The following NVL variants were observed in gnomAD, a reference collection of about 807,000 sequenced individuals.
The protein encoded by NVL is nuclear valosin-containing protein-like.
A neutral mutation model predicts 110.2 loss-of-function variants in NVL; 84 were observed. The observed-to-expected ratio is 0.76, with a 90% CI of 0.64 to 0.91. The LOEUF (loss-of-function observed/expected upper bound fraction) is 0.91, where lower values mean the gene tolerates loss of function less well. Among genes scored for constraint, NVL ranks in the 40% least tolerant of loss-of-function variants. NVL has a pLI of 0.00. For missense variants in NVL, 882 were observed against 1,035.9 expected (o/e 0.85, Z 2.04); for synonymous variants, 354 against 361.1 (o/e 0.98, Z 0.22).
At chr1:224,296,196 C>A (rs1176485897) in intron 11 of NVL, among the ~76,000 whole-genome samples, 38 of 151,992 alleles carry the variant, frequency 2.5e-4, no homozygotes. Context: ...ATGCAAGGAA[C>A]ATAAAATATA....
intron 15 of NVL, among the ~76,000 whole-genome samples, chr1:224,285,250 C>T (rs1666749312): frequency 6.6e-6 from 1 of 152,102 alleles, no homozygotes; most frequent in Non-Finnish European, 1.5e-5. Flanking sequence ...GCCTAACCAA[C>T]ATGGTGAAAC....
intron 21 of NVL, among the ~76,000 whole-genome samples, chr1:224,232,363 T>TAAATAA (rs964589478): frequency 1.3e-5 from 2 of 151,316 alleles, no homozygotes; most frequent in African/African-American, 4.9e-5. Context: ...AAAAAATAAA[T>TAAATAA]AAATAAAAAT....
intron 4 of NVL, among the ~76,000 whole-genome samples, chr1:224,314,593 G>C (rs1359007887): frequency 6.6e-6 from 1 of 152,090 alleles, no homozygotes; most frequent in Non-Finnish European, 1.5e-5. Flanking sequence ...AGAAGACTCG[G>C]GGGGAAGTTG....
intron 2 of NVL, among the ~76,000 whole-genome samples, chr1:224,321,111 G>A (rs1558363507): frequency 2.0e-5 from 3 of 152,048 alleles, no homozygotes; most frequent in Admixed American, 1.3e-4. Flanking sequence ...AATCAGCGGG[G>A]CATGGTGGCA....
chr1:224,268,066 T>A lies in NVL; in HGVS notation c.2150A>T (p.Gln717Leu), dbSNP rs1310576684. The change falls in exon 18 of 23, where the codon CAG becomes CTG. Residue 717 changes from glutamine to leucine, a missense_variant. By Grantham distance (113) the Gln-to-Leu change is moderately radical. This residue lies in a region of NVL where 66 missense variants were observed against 127.5 expected (regional missense o/e 0.52). Transcript: ENST00000281701. ...TEMDGLEARQQVFIMAATNRP... is the reference protein window; with the variant it reads ...TEMDGLEARQLVFIMAATNRP... Reference sequence around the variant, plus strand: ...GTTAGTGGCTGCCATAATAAAAACCTGCTGGCGTGCTTCCAGACCATCCAT... The same window carrying A: ...GTTAGTGGCTGCCATAATAAAAACCAGCTGGCGTGCTTCCAGACCATCCAT... 1 of 1,614,106 alleles carries A rather than the reference T, an allele frequency of 6.2e-7. No homozygotes were observed. The highest frequency in any genetic ancestry group is 2.2e-5 in the East Asian group (1 of 44,884).
intron 19 of NVL, among the ~76,000 whole-genome samples, chr1:224,248,450 A>C (rs1216557663): frequency 6.6e-6 from 1 of 152,180 alleles, no homozygotes; most frequent in Non-Finnish European, 1.5e-5. Context: ...TACAAAGATG[A>C]TCATTCTTCT....
At chr1:224,302,552 C>G (rs1668523782) in intron 9 of NVL, among the ~76,000 whole-genome samples, 1 of 152,072 alleles carries the variant, frequency 6.6e-6, no homozygotes, top group Non-Finnish European at 1.5e-5. Context: ...ATTACTGTCC[C>G]CTACAGTTTC....
intron 17 of NVL, among the ~76,000 whole-genome samples, chr1:224,273,117 A>G (rs1361221609): frequency 6.6e-6 from 1 of 151,846 alleles, no homozygotes; most frequent in African/African-American, 2.4e-5. Context: ...AGAGTATAGA[A>G]ATGTATGGCA....
At chr1:224,290,326 T>C (rs183127735) in intron 12 of NVL, among the ~76,000 whole-genome samples, 6 of 152,324 alleles carry the variant, frequency 3.9e-5, no homozygotes, top group Non-Finnish European at 4.4e-5. Flanking sequence ...CAATTTCTGA[T>C]AAGACCTACT....
At chr1:224,273,268 C>G (rs955019970) in intron 17 of NVL, among the ~76,000 whole-genome samples, 4 of 151,792 alleles carry the variant, frequency 2.6e-5, no homozygotes, top group Non-Finnish European at 5.9e-5. Context: ...CAAATATTAG[C>G]TGGGCATGGT....
intron 17 of NVL, among the ~76,000 whole-genome samples, chr1:224,272,505 G>A (rs1665231057): frequency 6.6e-6 from 1 of 151,392 alleles, no homozygotes; most frequent in South Asian, 2.1e-4. Context: ...ATCACCTGAG[G>A]TCAGGAGTTC....
intron 2 of NVL, among the ~76,000 whole-genome samples, chr1:224,324,824 CAT>C (rs1670983306): frequency 6.6e-6 from 1 of 152,190 alleles, no homozygotes; most frequent in Non-Finnish European, 1.5e-5. Flanking sequence ...TGTATCTGCA[CAT>C]GAGAAGGCCA....
At chr1:224,325,013 C>A (rs1015245845) in intron 2 of NVL, among the ~76,000 whole-genome samples, 1 of 152,170 alleles carries the variant, frequency 6.6e-6, no homozygotes, top group African/African-American at 2.4e-5. Flanking sequence ...ATAACCCCAG[C>A]ACTTTGGGAG....
chr1:224,288,086 A>G, intron 13 of NVL, 93 bp from the exon 14 acceptor site: 1 of 884,478 alleles, frequency 1.1e-6, no homozygotes, highest in Non-Finnish European at 1.8e-6. Context: ...TATTACTGTA[A>G]TATTTCCGTA....
At chr1:224,281,755 C>A (rs997501164) in intron 15 of NVL, among the ~76,000 whole-genome samples, 5 of 151,100 alleles carry the variant, frequency 3.3e-5, no homozygotes, top group Non-Finnish European at 7.4e-5. Flanking sequence ...GAGTTTGAGA[C>A]CAGCCTGACC....
At chr1:224,282,674 A>G (rs1666478445) in intron 15 of NVL, among the ~76,000 whole-genome samples, 1 of 152,186 alleles carries the variant, frequency 6.6e-6, no homozygotes, top group Admixed American at 6.5e-5. Flanking sequence ...TGAGCTCCCC[A>G]TCTATGTTCC....
intron 9 of NVL, among the ~76,000 whole-genome samples, chr1:224,302,276 C>T (rs1466137967): frequency 6.6e-6 from 1 of 151,806 alleles, no homozygotes; most frequent in Non-Finnish European, 1.5e-5. Context: ...GATCTTGGCT[C>T]ACCGCGACCT....
chr1:224,267,795 T>C (rs1238161239), intron 18 of NVL, among the ~76,000 whole-genome samples: 2 of 152,042 alleles, frequency 1.3e-5, no homozygotes, highest in South Asian at 2.1e-4. Flanking sequence ...AGTAATACTA[T>C]ACTTTTTACT....
rs568685608 is a variant in NVL, at chr1:224,231,398, T to G, written c.2456-102A>C. 5.2e-4 allele frequency: 436 copies of G among 832,652 alleles called. 1 individual carries two copies. In the African/African-American group the frequency reaches 6.7e-3, roughly 13 times the overall value. 51.6% of individuals were successfully genotyped at this position (832,652 alleles called of 1,614,324 possible). A position where few individuals can be genotyped will look rare whatever the true frequency, so the allele number is the denominator to read the frequency against. On this transcript the variant is annotated intron_variant, in intron 21 of 22. Coordinates refer to ENST00000281701, the MANE Select transcript of NVL (RefSeq NM_002533.4). ...ACTTCAAAACTTTCAAGGGGTCCAC[T>G]AAAGAGATCAGTGATGAGATGGGCT...
Sources: gnomAD v4.1 joint callset for allele counts (sites outside exome capture counted in the v4.1 genomes callset) on GRCh38, gnomAD v4.1.1 for gene constraint, gnomAD v4.1.1 regional missense constraint, MANE v1.5 for transcripts, NCBI Gene and HGNC (gene_info 2026-07-23, HGNC 2026-07-21) for gene names.